TTC28: variants seen among roughly 807,000 people sequenced by gnomAD.
The protein encoded by TTC28 is tetratricopeptide repeat domain 28.
In TTC28, 61 loss-of-function variants were observed where a neutral mutation model predicts 198.0. The observed-to-expected ratio is 0.31, with a 90% CI of 0.25 to 0.38. The LOEUF (loss-of-function observed/expected upper bound fraction) is 0.38, where lower values mean the gene tolerates loss of function less well. TTC28 is among the 10% of genes least tolerant of loss of function. The pLI is 1.00. For synonymous variants in TTC28, 1,171 were observed against 1,297.8 expected (o/e 0.90, Z 2.10); for missense variants, 2,678 against 3,164.0 (o/e 0.85, Z 3.69).
At chr22:28,528,161 T>C (rs1234539476) in intron 2 of TTC28, among the ~76,000 whole-genome samples, 2 of 152,218 alleles carry the variant, frequency 1.3e-5, no homozygotes, top group Non-Finnish European at 2.9e-5. Flanking sequence ...TGAGACATTT[T>C]TGAGTAAATA....
intron 2 of TTC28, among the ~76,000 whole-genome samples, chr22:28,546,756 A>T (rs184430414): frequency 1.3e-5 from 2 of 152,352 alleles, no homozygotes; most frequent in African/African-American, 4.8e-5. Flanking sequence ...AAATTGTAAT[A>T]TATCTAGAAT....
intron 2 of TTC28, among the ~76,000 whole-genome samples, chr22:28,559,082 G>C (rs2145988056): frequency 6.6e-6 from 1 of 151,986 alleles, no homozygotes; most frequent in South Asian, 2.1e-4. Context: ...CCAAGTGAAT[G>C]ATGACCCAAA....
intron 15 of TTC28, 125 bp from the exon 16 acceptor site, chr22:27,999,385 C>T (rs1937614372): frequency 7.5e-7 from 1 of 1,333,506 alleles, no homozygotes; most frequent in African/African-American, 1.5e-5. Context: ...CCTGTTTCCC[C>T]AGTCACCACA....
chr22:27,995,869 AGGCCAGCGGGCTCATCCCGG>A (rs1369426324), intron 17 of TTC28, among the ~76,000 whole-genome samples: 7 of 152,150 alleles, frequency 4.6e-5, no homozygotes, highest in Non-Finnish European at 1.0e-4. Flanking sequence ...CCCACCCCTC[AGGCCAGCGGGCTCATCCCGG>A]GGACGTCTGC....
intron 2 of TTC28, among the ~76,000 whole-genome samples, chr22:28,547,250 C>T (rs1432325838): frequency 6.6e-6 from 1 of 151,930 alleles, no homozygotes; most frequent in Non-Finnish European, 1.5e-5. Flanking sequence ...TGCACACATA[C>T]ACATGGAACA....
At chr22:28,517,620 T>C (rs1168586656) in intron 2 of TTC28, among the ~76,000 whole-genome samples, 1 of 152,208 alleles carries the variant, frequency 6.6e-6, no homozygotes, top group Non-Finnish European at 1.5e-5. Flanking sequence ...CAAGGCTATT[T>C]TCGTGGTAAG....
At chr22:28,405,772 C>A (rs1055952099) in intron 2 of TTC28, among the ~76,000 whole-genome samples, 1 of 152,262 alleles carries the variant, frequency 6.6e-6, no homozygotes, top group Non-Finnish European at 1.5e-5. Context: ...ATAAGATACA[C>A]CCACCAGCAC....
intron 2 of TTC28, among the ~76,000 whole-genome samples, chr22:28,416,498 T>C (rs1474660040): frequency 1.3e-5 from 2 of 152,352 alleles, no homozygotes; most frequent in East Asian, 3.9e-4. Flanking sequence ...ACTTTATACT[T>C]TGCTAGTGAC....
intron 12 of TTC28, among the ~76,000 whole-genome samples, chr22:28,076,645 T>C (rs895407402): frequency 6.6e-6 from 1 of 152,168 alleles, no homozygotes; most frequent in Non-Finnish European, 1.5e-5. Context: ...GGCGCAACCA[T>C]AGCTCACTGC....
At chr22:28,243,127 C>T (rs1253794073) in intron 5 of TTC28, among the ~76,000 whole-genome samples, 1 of 127,090 alleles carries the variant, frequency 7.9e-6, no homozygotes, top group Non-Finnish European at 1.6e-5. Flanking sequence ...TGCTTGAGCC[C>T]AAGAGTTTGA....
At chr22:28,558,371 A>C (rs576675397) in intron 2 of TTC28, among the ~76,000 whole-genome samples, 2 of 152,324 alleles carry the variant, frequency 1.3e-5, no homozygotes, top group South Asian at 2.1e-4. Context: ...TAAAGTGAGG[A>C]TTCAGCATGT....
In TTC28 at chr22:27,983,566, G is replaced by C. The variant is rs1396399734; in HGVS notation, c.6101C>G (p.Ser2034Cys). 6.4e-7 allele frequency: 1 copy of C among 1,551,328 alleles called. No homozygotes were observed. The highest frequency in any genetic ancestry group is 2.0e-5 in the Admixed American group (1 of 50,908). Residue 2034 changes from serine (S) to cysteine (C), a missense_variant, in exon 23 of 23, where the codon TCC (serine) becomes TGC (cysteine). Ser to Cys is a moderately radical substitution (Grantham distance 112, BLOSUM62 -1). Around this residue, in one of 8 missense-constraint regions of TTC28, gnomAD observed 622 missense variants for 656.0 expected, o/e 0.95. Coordinates refer to ENST00000397906, the MANE Select transcript of TTC28 (RefSeq NM_001145418.2). ...AGGCAGCTGGCTCCTAGGCAGGGTG[G>C]ATCTCTGCAGGTAAGCGTTCTTGGA... ...DRSKNAYLQR[S>C]TLPRSQLPPQ... is the part of the protein sequence containing the mutation.
intron 2 of TTC28, among the ~76,000 whole-genome samples, chr22:28,590,779 T>C (rs1419314873): frequency 2.0e-5 from 3 of 150,360 alleles, no homozygotes; most frequent in Non-Finnish European, 4.4e-5. Flanking sequence ...GAGGCCGAGG[T>C]GGGTGGATCA....
At chr22:28,566,521 A>C (rs2049972360) in intron 2 of TTC28, among the ~76,000 whole-genome samples, 1 of 152,170 alleles carries the variant, frequency 6.6e-6, no homozygotes, top group East Asian at 1.9e-4. Context: ...AAAAATAAGG[A>C]AGCTATATTT....
intron 2 of TTC28, among the ~76,000 whole-genome samples, chr22:28,405,605 T>C (rs559538347): frequency 1.3e-3 from 199 of 152,324 alleles, no homozygotes; most frequent in African/African-American, 4.1e-3. Context: ...AATTTTACTG[T>C]GTAGTAGAAT....
At chr22:28,110,979 T>C (rs908885194) in intron 6 of TTC28, among the ~76,000 whole-genome samples, 1 of 149,822 alleles carries the variant, frequency 6.7e-6, no homozygotes, top group African/African-American at 2.5e-5. Flanking sequence ...TAGGAAGAAA[T>C]TTACAATATA....
At chr22:28,675,122 A>G (rs2051962077) in intron 1 of TTC28, among the ~76,000 whole-genome samples, 1 of 152,228 alleles carries the variant, frequency 6.6e-6, no homozygotes, top group South Asian at 2.1e-4. Flanking sequence ...AAAGATGTGA[A>G]GACCATCAAT....
chr22:27,999,292 G>C (rs376807638), intron 15 of TTC28, 32 bp from the exon 16 acceptor site: 1 of 1,517,650 alleles, frequency 6.6e-7, no homozygotes, highest in Admixed American at 2.0e-5. Context: ...CAGACCACCC[G>C]TCAGACAGAA....
chr22:28,256,892 T>G (rs1487736733), intron 5 of TTC28, among the ~76,000 whole-genome samples: 3 of 152,098 alleles, frequency 2.0e-5, no homozygotes, highest in Non-Finnish European at 4.4e-5. Context: ...TCAAAAAAAT[T>G]AGCCATGCAT....
Sources: gnomAD v4.1 joint callset for allele counts (sites outside exome capture counted in the v4.1 genomes callset) on GRCh38, gnomAD v4.1.1 for gene constraint, gnomAD v4.1.1 regional missense constraint, MANE v1.5 for transcripts, NCBI Gene and HGNC (gene_info 2026-07-23, HGNC 2026-07-21) for gene names.